PLD5: variants seen among roughly 807,000 people sequenced by gnomAD.
PLD5 encodes the protein inactive phospholipase D5.
In PLD5, 36 loss-of-function variants were observed where a neutral mutation model predicts 61.1. The ratio of observed to expected loss-of-function variants is 0.59; its 90% CI spans 0.45 to 0.78. The LOEUF is 0.78. PLD5 is among the 30% of genes least tolerant of loss of function. PLD5 has a pLI of 0.00. For missense variants in PLD5, 515 were observed against 644.4 expected (o/e 0.80, Z 2.17); for synonymous variants, 243 against 242.8 (o/e 1.00, Z -0.01).
intron 5 of PLD5, among the ~76,000 whole-genome samples, chr1:242,162,564 CA>C (rs546615870): frequency 1.6e-4 from 24 of 152,078 alleles, no homozygotes; most frequent in Non-Finnish European, 3.2e-4. Context: ...GTCCTGCAGA[CA>C]ACCTTAATGT....
chr1:242,499,443 T>A (rs1040244958), intron 1 of PLD5, among the ~76,000 whole-genome samples: 1 of 152,206 alleles, frequency 6.6e-6, no homozygotes, highest in South Asian at 2.1e-4. Context: ...TCTATCTATA[T>A]CTTCATATTT....
intron 5 of PLD5, among the ~76,000 whole-genome samples, chr1:242,189,230 G>A (rs1284293810): frequency 1.3e-5 from 2 of 151,996 alleles, no homozygotes; most frequent in African/African-American, 4.8e-5. Context: ...GTGAATCACA[G>A]GGTCAGGAGT....
rs1456034314 is a variant in PLD5 at position 242,369,414 on chromosome 1, A to G, written c.190-21172T>C. ...TTTACAGAAGTGTTTACATATGTGC[A>G]TAAAGATATAACAACAAGGATGGTC... On this transcript the variant is annotated intron_variant, in intron 1 of 9. Transcript: ENST00000536534. Among the ~76,000 whole-genome samples, 3 of 152,222 alleles carry G rather than the reference A, an allele frequency of 2.0e-5. No homozygotes were observed. In the East Asian group the frequency reaches 5.8e-4, roughly 29 times the overall value.
intron 1 of PLD5, among the ~76,000 whole-genome samples, chr1:242,392,523 G>T (rs77106330): frequency 0.02 from 3,058 of 152,296 alleles, 115 homozygotes; most frequent in East Asian, 0.11. Context: ...GCAGCATTGA[G>T]CCAAAGCTCT....
At chr1:242,509,236 G>A (rs999994209) in intron 1 of PLD5, among the ~76,000 whole-genome samples, 3 of 151,286 alleles carry the variant, frequency 2.0e-5, no homozygotes, top group Non-Finnish European at 4.4e-5. Context: ...GAAATTAGCC[G>A]GGCGTGATGG....
chr1:242,424,382 T>C (rs1011586580), intron 1 of PLD5, among the ~76,000 whole-genome samples: 1 of 152,186 alleles, frequency 6.6e-6, no homozygotes, highest in Non-Finnish European at 1.5e-5. Context: ...CTGACTGATA[T>C]TCAGATGATC....
At chr1:242,233,834 C>T (rs192466800) in intron 4 of PLD5, among the ~76,000 whole-genome samples, 7 of 152,230 alleles carry the variant, frequency 4.6e-5, no homozygotes, top group Admixed American at 1.3e-4. Context: ...CTCTCTGTCT[C>T]GGAATAACTG....
intron 2 of PLD5, among the ~76,000 whole-genome samples, chr1:242,299,316 T>C (rs1168162132): frequency 6.6e-6 from 1 of 152,212 alleles, no homozygotes; most frequent in African/African-American, 2.4e-5. Context: ...TTATAAAATA[T>C]ACAATTAAGC....
At chr1:242,279,795 G>A (rs1204379069) in intron 3 of PLD5, among the ~76,000 whole-genome samples, 2 of 152,178 alleles carry the variant, frequency 1.3e-5, no homozygotes, top group Non-Finnish European at 2.9e-5. Context: ...GCCTCCCAAA[G>A]TGCTGGGATT....
rs74150804 is a variant in PLD5, at chr1:242,142,512, A to G, written c.736-17847T>C. ...CTATTTTTCCACTTAATTTTGTCCTATATCAGCACATATACTTTATATATT... is the reference window on the plus strand; with the variant it reads ...CTATTTTTCCACTTAATTTTGTCCTGTATCAGCACATATACTTTATATATT... On this transcript the variant is annotated intron_variant, in intron 5 of 9. Transcript: ENST00000536534. Among the ~76,000 whole-genome samples the G allele has an allele frequency of 8.5e-3, 1,297 of 152,314 alleles. 18 individuals are homozygous for G. The highest frequency in any genetic ancestry group is 0.029 in the African/African-American group (1,212 of 41,572).
At chr1:242,480,990 T>A (rs1667753460) in intron 1 of PLD5, among the ~76,000 whole-genome samples, 1 of 152,320 alleles carries the variant, frequency 6.6e-6, no homozygotes, top group East Asian at 1.9e-4. Flanking sequence ...GTACTTTTTT[T>A]AGAATGGCTT....
At chr1:242,376,372 T>C (rs1661957421) in intron 1 of PLD5, among the ~76,000 whole-genome samples, 1 of 152,292 alleles carries the variant, frequency 6.6e-6, no homozygotes, top group African/African-American at 2.4e-5. Flanking sequence ...TTGTCTCAAA[T>C]GTGAACTCAC....
At chr1:242,495,464 C>A (rs1418329181) in intron 1 of PLD5, among the ~76,000 whole-genome samples, 1 of 151,944 alleles carries the variant, frequency 6.6e-6, no homozygotes, top group South Asian at 2.1e-4. Flanking sequence ...TAAGCAGTAT[C>A]CCAGGGAGAA....
At chr1:242,183,305 C>T (rs928552812) in intron 5 of PLD5, among the ~76,000 whole-genome samples, 9 of 151,962 alleles carry the variant, frequency 5.9e-5, no homozygotes, top group Non-Finnish European at 1.0e-4. Context: ...TAATGTTATC[C>T]AATGACTGTC....
At chr1:242,248,351 C>T (rs990209416) in intron 4 of PLD5, among the ~76,000 whole-genome samples, 2 of 152,054 alleles carry the variant, frequency 1.3e-5, no homozygotes, top group African/African-American at 4.8e-5. Flanking sequence ...CTATAACCCA[C>T]ATCCTATAGC....
rs1558343947 is a variant in PLD5, at chr1:242,207,826, A to ATATATATTTATATATTTATATATATT, written c.735+12136_735+12161dup. 1.7e-4 allele frequency among the ~76,000 whole-genome samples: 8 copies of ATATATATTTATATATTTATATATATT among 46,760 alleles called. 1 individual carries two copies. Among genetic ancestry groups the ATATATATTTATATATTTATATATATT allele is most frequent in the African/African-American group, 9.1e-4 (8 of 8,814 alleles). The allele number at this position is 46,760 out of a possible 152,430, so 30.7% of individuals were successfully genotyped here. On this transcript the variant is annotated intron_variant, in intron 5 of 9. Coordinates refer to ENST00000536534, the MANE Select transcript of PLD5 (RefSeq NM_001372062.1). Reference sequence around the variant, plus strand: ...TATATATATTTATATTTATATATTTATATATATTTATATATTTATATATAT... The same window carrying ATATATATTTATATATTTATATATATT: ...TATATATATTTATATTTATATATTTATATATATTTATATATTTATATATATTTATATATTTATATATTTATATATAT...
At chr1:242,096,016 T>G (rs998926758) in intron 9 of PLD5, among the ~76,000 whole-genome samples, 6 of 152,020 alleles carry the variant, frequency 3.9e-5, no homozygotes, top group African/African-American at 1.4e-4. Context: ...TGGAGTGCAG[T>G]GGCACCATCT....
intron 2 of PLD5, among the ~76,000 whole-genome samples, chr1:242,316,818 C>A (rs7539022): frequency 0.79 from 117,727 of 149,314 alleles, 46,676 homozygotes; most frequent in Middle Eastern, 0.87. Context: ...CTTCGTGTCC[C>A]TGTGTTCTCA....
intron 1 of PLD5, among the ~76,000 whole-genome samples, chr1:242,452,065 A>C (rs1379270567): frequency 6.6e-6 from 1 of 152,106 alleles, no homozygotes; most frequent in Admixed American, 6.5e-5. Context: ...AACAGGGCTG[A>C]ATGGCAAGCT....
Sources: gnomAD v4.1 joint callset for allele counts (sites outside exome capture counted in the v4.1 genomes callset) on GRCh38, gnomAD v4.1.1 for gene constraint, MANE v1.5 for transcripts, NCBI Gene and HGNC (gene_info 2026-07-23, HGNC 2026-07-21) for gene names.